Variants in ZNG1F observed in about 807,000 individuals in gnomAD.
ZNG1F encodes Zn regulated GTPase metalloprotein activator 1F, also known as zinc-regulated GTPase metalloprotein activator 1F.
the ZNG1F span, among the ~76,000 whole-genome samples, chr9:41,155,075 A>G: frequency 6.6e-6 from 1 of 150,624 alleles, no homozygotes; most frequent in African/African-American, 2.4e-5. Flanking sequence ...GCAACCTACA[A>G]AATGGGAGAA....
the ZNG1F span, among the ~76,000 whole-genome samples, chr9:41,150,254 G>A: frequency 2.0e-5 from 3 of 149,148 alleles, no homozygotes; most frequent in South Asian, 2.2e-4. Flanking sequence ...CGAATACTGC[G>A]CTTTTCTGAC....
chr9:41,178,780 C>A, the ZNG1F span, among the ~76,000 whole-genome samples: 35 of 45,960 alleles, frequency 7.6e-4, 1 homozygote, highest in South Asian at 1.7e-3. Context: ...GTTGGCCAGG[C>A]TGGTCTTAAA....
At chr9:41,173,827 GA>G in the ZNG1F span, among the ~76,000 whole-genome samples, 1 of 145,132 alleles carries the variant, frequency 6.9e-6, no homozygotes, top group Non-Finnish European at 1.5e-5. Flanking sequence ...TATGAACAAA[GA>G]TTTCATCATT....
At chr9:41,185,204 A>C in the ZNG1F span, among the ~76,000 whole-genome samples, 1 of 142,716 alleles carries the variant, frequency 7.0e-6, no homozygotes, top group East Asian at 2.1e-4. Flanking sequence ...TTATTTTCAC[A>C]GATAAAATAC....
the ZNG1F span, chr9:41,132,010 T>C: frequency 2.9e-6 from 2 of 693,004 alleles, no homozygotes; most frequent in Non-Finnish European, 2.4e-6. Context: ...CAAAGTCACA[T>C]TGGTCCTTGG....
At chr9:41,204,385 ATT>A in the ZNG1F span, among the ~76,000 whole-genome samples, 1 of 36,446 alleles carries the variant, frequency 2.7e-5, no homozygotes, top group Non-Finnish European at 5.9e-5. Flanking sequence ...ATAAATTTTT[ATT>A]TTATATATAT....
chr9:41,164,991 C>T, the ZNG1F span: 13 of 1,586,324 alleles, frequency 8.2e-6, 2 homozygotes, highest in Non-Finnish European at 1.1e-5. Context: ...TAACACACAT[C>T]ATTTTGTACC....
At chr9:41,187,383 C>T in the ZNG1F span, among the ~76,000 whole-genome samples, 1 of 132,648 alleles carries the variant, frequency 7.5e-6, no homozygotes, top group African/African-American at 2.8e-5. Flanking sequence ...AGAGGAGTCA[C>T]AGTAAAAAAG....
chr9:41,164,993 T>G, the ZNG1F span: 1 of 1,586,586 alleles, frequency 6.3e-7, no homozygotes, highest in Non-Finnish European at 8.5e-7. Context: ...ACACACATCA[T>G]TTTGTACCTA....
the ZNG1F span, among the ~76,000 whole-genome samples, chr9:41,185,228 C>T: frequency 7.3e-6 from 1 of 137,730 alleles, no homozygotes; most frequent in Non-Finnish European, 1.6e-5. Flanking sequence ...AGGATAAAGA[C>T]CATATGTTTA....
chr9:41,145,536 A>T, the ZNG1F span: 1 of 704,968 alleles, frequency 1.4e-6, no homozygotes. Context: ...AAAAAAAAAC[A>T]CACATTCATA....
the ZNG1F span, among the ~76,000 whole-genome samples, chr9:41,141,152 T>C: frequency 7.2e-5 from 11 of 151,844 alleles, no homozygotes; most frequent in Admixed American, 1.3e-4. Flanking sequence ...TCAAGAAGGA[T>C]GATCTATATT....
the ZNG1F span, chr9:41,131,788 T>C: frequency 2.5e-6 from 1 of 400,204 alleles, no homozygotes; most frequent in Non-Finnish European, 4.3e-6. Flanking sequence ...TTTCTGTTTC[T>C]GTCACAGTAG....
the ZNG1F span, among the ~76,000 whole-genome samples, chr9:41,150,329 C>G: frequency 6.6e-6 from 1 of 150,630 alleles, no homozygotes; most frequent in Non-Finnish European, 1.5e-5. Context: ...CCCACGCCCA[C>G]GGAGTCTCGC....
the ZNG1F span, among the ~76,000 whole-genome samples, chr9:41,199,751 TTC>T: frequency 6.6e-6 from 1 of 152,060 alleles, no homozygotes; most frequent in Non-Finnish European, 1.5e-5. Flanking sequence ...TACAGCAAAC[TTC>T]TACATCTTCT....
chr9:41,199,770 T>C, the ZNG1F span, among the ~76,000 whole-genome samples: 2 of 152,124 alleles, frequency 1.3e-5, no homozygotes, highest in African/African-American at 4.8e-5. Context: ...TTCTGATATC[T>C]AGGCAGAGTT....
chr9:41,150,556 C>T, the ZNG1F span, among the ~76,000 whole-genome samples: 9,368 of 108,184 alleles, frequency 0.087, 324 homozygotes, highest in East Asian at 0.16. Flanking sequence ...GTAACCTCTG[C>T]AGACTTACCT....
the ZNG1F span, among the ~76,000 whole-genome samples, chr9:41,178,896 C>T: frequency 3.0e-5 from 4 of 133,544 alleles, 1 homozygote; most frequent in East Asian, 8.8e-4. Context: ...GATGAAATGG[C>T]CTCCTTTTGG....
the ZNG1F span, among the ~76,000 whole-genome samples, chr9:41,199,759 C>T: frequency 6.6e-6 from 1 of 152,106 alleles, no homozygotes; most frequent in African/African-American, 2.4e-5. Flanking sequence ...ACTTCTACAT[C>T]TTCTGATATC....
Sources: gnomAD v4.1 joint callset for allele counts (sites outside exome capture counted in the v4.1 genomes callset) on GRCh38, gnomAD v4.1.1 for gene constraint, MANE v1.5 for transcripts, NCBI Gene and HGNC (gene_info 2026-07-23, HGNC 2026-07-21) for gene names.